The following CAMK2A variants were observed in gnomAD, a reference collection of about 807,000 sequenced individuals.
CAMK2A encodes the protein calcium/calmodulin-dependent protein kinase type II subunit alpha.
CAMK2A carries 7 observed loss-of-function variants against 79.2 expected under a neutral mutation model. The observed-to-expected ratio is 0.09, with a 90% confidence interval of 0.05 to 0.17. The LOEUF (loss-of-function observed/expected upper bound fraction) is 0.17. CAMK2A is among the 10% of genes least tolerant of loss of function. CAMK2A has a pLI of 1.00. For missense variants in CAMK2A, 214 were observed against 646.4 expected (o/e 0.33, Z 7.25); for synonymous variants, 242 against 251.7 (o/e 0.96, Z 0.36).
intron 16 of CAMK2A, among the ~76,000 whole-genome samples, chr5:150,230,343 GAA>G (rs35612107): frequency 6.5e-5 from 8 of 123,540 alleles, no homozygotes; most frequent in Non-Finnish European, 1.4e-4. Context: ...AAAAAAAAGG[GAA>G]AAAAAAAAGA....
chr5:150,243,013 C>T (rs1468560842), intron 13 of CAMK2A, among the ~76,000 whole-genome samples: 11 of 152,240 alleles, frequency 7.2e-5, no homozygotes, highest in Admixed American at 5.2e-4. Flanking sequence ...GAAGCAGTGA[C>T]GCTTTGTTCA....
At chr5:150,282,297 G>C (rs1358389240) in intron 1 of CAMK2A, among the ~76,000 whole-genome samples, 3 of 152,218 alleles carry the variant, frequency 2.0e-5, no homozygotes, top group Non-Finnish European at 4.4e-5. Flanking sequence ...TTGCTGCAGG[G>C]AACATTGAAC....
chr5:150,231,558 T>TG (rs1232304358), intron 15 of CAMK2A, among the ~76,000 whole-genome samples, 178 bp from the exon 16 acceptor site: 3 of 145,350 alleles, frequency 2.1e-5, no homozygotes, highest in Admixed American at 7.2e-5. Flanking sequence ...GCATTGCTGC[T>TG]GGGGGCTAGG....
chr5:150,273,851 A>G (rs1192692851), intron 1 of CAMK2A, among the ~76,000 whole-genome samples: 2 of 152,248 alleles, frequency 1.3e-5, no homozygotes, highest in Non-Finnish European at 2.9e-5. Context: ...ATCTATAGCC[A>G]TTACAAACAA....
intron 3 of CAMK2A, among the ~76,000 whole-genome samples, 194 bp from the exon 4 acceptor site, chr5:150,257,811 A>G (rs1266579016): frequency 6.6e-6 from 1 of 152,186 alleles, no homozygotes; most frequent in Admixed American, 6.5e-5. Context: ...GACCTCAGGC[A>G]TTACTGAAAG....
At chr5:150,258,143 T>A (rs1350235193) in intron 3 of CAMK2A, among the ~76,000 whole-genome samples, 2 of 152,212 alleles carry the variant, frequency 1.3e-5, no homozygotes, top group Non-Finnish European at 2.9e-5. Context: ...TAATGGAGCA[T>A]GGAGGCCAGA....
At chr5:150,264,706 G>A (rs1360445363) in intron 3 of CAMK2A, among the ~76,000 whole-genome samples, 1 of 125,178 alleles carries the variant, frequency 8.0e-6, no homozygotes, top group Non-Finnish European at 1.6e-5. Flanking sequence ...AAGTTTTCCT[G>A]AAACAGCTTT....
At chr5:150,260,960 G>A (rs1374950740) in intron 3 of CAMK2A, among the ~76,000 whole-genome samples, 1 of 152,144 alleles carries the variant, frequency 6.6e-6, no homozygotes, top group East Asian at 1.9e-4. Context: ...GAGAAGCCAA[G>A]CTGCAGCTAG....
At chr5:150,289,968 C>G (rs1272367266), upstream of CAMK2A, 3 of 276,478 alleles carry the variant, frequency 1.1e-5, no homozygotes, top group Non-Finnish European at 2.1e-5. Flanking sequence ...CTGTGTGGGC[C>G]TGGGGGTGGG....
chr5:150,253,576 G>C, intron 6 of CAMK2A, 30 bp from the exon 7 acceptor site: 1 of 1,570,262 alleles, frequency 6.4e-7, no homozygotes, highest in Non-Finnish European at 8.8e-7. Flanking sequence ...AGGGAGGAAG[G>C]GGAGGAAAGC....
At position 150,248,297 on chromosome 5, in the gene CAMK2A, C is replaced by CT. The variant is rs1192368436; in HGVS notation, c.901-484dup. 4.3e-3 allele frequency among the ~76,000 whole-genome samples: 609 copies of CT among 140,698 alleles called. 3 individuals are homozygous for CT. Among genetic ancestry groups the CT allele is most frequent in the Admixed American group, 5.9e-3 (83 of 14,044 alleles). The allele number at this position is 140,698 out of a possible 152,430, so 92.3% of individuals were successfully genotyped here. A position where few individuals can be genotyped will look rare whatever the true frequency, so the allele number is the denominator to read the frequency against. On this transcript the variant is annotated intron_variant, in intron 11 of 18. Transcript: ENST00000671881. ...TCAGAGAATCCCAGGAGGATTTTCT[C>CT]TTTTTTTTTTTTATTTCCAAGTTTT...
intron 14 of CAMK2A, among the ~76,000 whole-genome samples, 191 bp from the exon 15 acceptor site, chr5:150,238,939 G>A (rs1376414074): frequency 6.6e-6 from 1 of 152,214 alleles, no homozygotes; most frequent in East Asian, 1.9e-4. Context: ...CAGGTGGCCA[G>A]GGGCCGGGTG....
intron 1 of CAMK2A, among the ~76,000 whole-genome samples, chr5:150,282,131 A>T (rs1276581028): frequency 3.3e-5 from 5 of 152,062 alleles, no homozygotes; most frequent in African/African-American, 1.2e-4. Context: ...CGTCCTCTCG[A>T]CCGCCTGAGG....
At chr5:150,262,156 C>T (rs1756329240) in intron 3 of CAMK2A, among the ~76,000 whole-genome samples, 1 of 152,196 alleles carries the variant, frequency 6.6e-6, no homozygotes, top group Non-Finnish European at 1.5e-5. Flanking sequence ...CTGAGCCTCA[C>T]TGACCTGGTC....
chr5:150,254,705 G>A (rs882663), intron 6 of CAMK2A, among the ~76,000 whole-genome samples: 4,400 of 152,256 alleles, frequency 0.029, 219 homozygotes, highest in African/African-American at 0.1. Flanking sequence ...TTCTGATCCC[G>A]ATGCTGCCCA....
chr5:150,235,144 T>G (rs956198751), intron 15 of CAMK2A, among the ~76,000 whole-genome samples: 1 of 152,190 alleles, frequency 6.6e-6, no homozygotes, highest in African/African-American at 2.4e-5. Flanking sequence ...ATATTATACC[T>G]CTATTAATGT....
At chr5:150,276,546 G>A (rs1756953514) in intron 1 of CAMK2A, among the ~76,000 whole-genome samples, 1 of 152,172 alleles carries the variant, frequency 6.6e-6, no homozygotes, top group Admixed American at 6.5e-5. Flanking sequence ...CCAGGCATGG[G>A]GATGGACCCC....
chr5:150,271,059 C>G (rs574478493), intron 2 of CAMK2A, among the ~76,000 whole-genome samples: 1 of 152,326 alleles, frequency 6.6e-6, no homozygotes, highest in East Asian at 1.9e-4. Context: ...ACCCCCTGTC[C>G]CTGTTGTATC....
chr5:150,247,101 C>T (rs1252012350), intron 12 of CAMK2A, among the ~76,000 whole-genome samples: 5 of 152,272 alleles, frequency 3.3e-5, no homozygotes, highest in African/African-American at 4.8e-5. Context: ...AAGCCACATG[C>T]CTCAGGTGAT....
Sources: gnomAD v4.1 joint callset for allele counts (sites outside exome capture counted in the v4.1 genomes callset) on GRCh38, gnomAD v4.1.1 for gene constraint, MANE v1.5 for transcripts, NCBI Gene and HGNC (gene_info 2026-07-23, HGNC 2026-07-21) for gene names.